ZNF777: variants seen among roughly 807,000 people sequenced by gnomAD.
ZNF777 encodes the protein zinc finger protein 777.
A neutral mutation model predicts 72.1 loss-of-function variants in ZNF777; 7 were observed. The ratio of observed to expected loss-of-function variants is 0.10; its 90% CI spans 0.06 to 0.18. ZNF777 has a LOEUF of 0.18. Ranked by LOEUF, ZNF777 falls within the 10% of genes least tolerant of loss-of-function variation. ZNF777 has a pLI of 1.00. For synonymous variants in ZNF777, 545 were observed against 483.5 expected (o/e 1.13, Z -1.67); for missense variants, 828 against 1,128.6 (o/e 0.73, Z 3.82).
At chr7:149,446,281 C>G (rs1345264850) in intron 4 of ZNF777, among the ~76,000 whole-genome samples, 1 of 151,994 alleles carries the variant, frequency 6.6e-6, no homozygotes, top group Non-Finnish European at 1.5e-5. Context: ...GAGGCCGAGG[C>G]GGGAAAATCA....
rs1799311817 is a variant in ZNF777 at position 149,431,767 on chromosome 7, G to A, written c.*9C>T. On this transcript the variant is annotated 3_prime_UTR_variant, in exon 6 of 6. Coordinates refer to ENST00000247930, the MANE Select transcript of ZNF777 (RefSeq NM_015694.3). ...GCACCTGGCCGGGCGGCGGCGGCGGGGCGCGCGCTCACTCGCCCGTGTGGG... is the reference window on the plus strand; with the variant it reads ...GCACCTGGCCGGGCGGCGGCGGCGGAGCGCGCGCTCACTCGCCCGTGTGGG... 2.6e-6 allele frequency: 4 copies of A among 1,538,892 alleles called. No homozygotes were observed. Among genetic ancestry groups the A allele is most frequent in the African/African-American group, 1.4e-5 (1 of 72,410 alleles).
At position 149,432,739 on chromosome 7, in the gene ZNF777, G is replaced by T; in HGVS notation, c.1533C>A (p.Pro511=). The change falls in exon 6 of 6, where the codon CCC becomes CCA. Residue 511 remains proline, a synonymous_variant. Coordinates refer to ENST00000247930, the MANE Select transcript of ZNF777 (RefSeq NM_015694.3). ...ESPPPLQLGN[P]AVKRLAPSVH... is the part of the protein sequence containing the mutation. ...CGGAGGGCGCCAGCCTTTTCACTGC[G>T]GGGTTTCCTAGCTGCAGGGGCGGGG... is the stretch of plus-strand genomic sequence containing the variant. 1 of 1,611,908 alleles carries T rather than the reference G, an allele frequency of 6.2e-7. No homozygotes were observed.
chr7:149,438,938 T>C lies in ZNF777; in HGVS notation c.1088-2112A>G, dbSNP rs533947653. ...CCGCCACAGCCTTAAATGAAGACCT[T>C]TGATTCCCTCAGAACTGTGGAACTC... On this transcript the variant is annotated intron_variant, in intron 4 of 5. Transcript: ENST00000247930. Among the ~76,000 whole-genome samples, 3 of 152,340 alleles carry C rather than the reference T, an allele frequency of 2.0e-5. No homozygotes were observed. The South Asian group carries it at 6.2e-4, about 32-fold the overall frequency.
chr7:149,434,464 A>G (rs1055244639), intron 5 of ZNF777, among the ~76,000 whole-genome samples: 1 of 152,236 alleles, frequency 6.6e-6, no homozygotes, highest in African/African-American at 2.4e-5. Flanking sequence ...AGAGTGTGGT[A>G]ACTAGTTGCC....
At position 149,460,060 on chromosome 7, in the gene ZNF777, G is replaced by C. The variant is rs953113872; in HGVS notation, c.-16+755C>G. 1 of 982,528 alleles carries C rather than the reference G, an allele frequency of 1.0e-6. No homozygotes were observed. The highest frequency in any genetic ancestry group is 1.8e-5 in the African/African-American group (1 of 56,914). 60.9% of individuals were successfully genotyped at this position (982,528 alleles called of 1,614,324 possible). A position where few individuals can be genotyped will look rare whatever the true frequency, so the allele number is the denominator to read the frequency against. On this transcript the variant is annotated intron_variant, in intron 1 of 5. Coordinates refer to ENST00000247930, the MANE Select transcript of ZNF777 (RefSeq NM_015694.3). This position sits in a 1 kb window ranked among gnomAD's most constrained non-coding sequence, Gnocchi z 6.1. ...TCCCAGGCCGGGCCGCCGAGCCCGG[G>C]ACACGCAGGCCGTCCCCGGGGCCCC...
chr7:149,449,181 T>C (rs1799669955), intron 4 of ZNF777, among the ~76,000 whole-genome samples: 1 of 152,226 alleles, frequency 6.6e-6, no homozygotes, highest in South Asian at 2.1e-4. Context: ...GGTGCGAGTG[T>C]GCGGCCCACT....
At chr7:149,451,380 G>A (rs988570765) in intron 3 of ZNF777, among the ~76,000 whole-genome samples, 4 of 152,048 alleles carry the variant, frequency 2.6e-5, no homozygotes, top group African/African-American at 9.7e-5. Flanking sequence ...GAAGATATTT[G>A]AAATTTTGTA....
chr7:149,443,910 A>G (rs1699531681), intron 4 of ZNF777, among the ~76,000 whole-genome samples: 1 of 152,180 alleles, frequency 6.6e-6, no homozygotes, highest in African/African-American at 2.4e-5. Flanking sequence ...TATTTTTTAA[A>G]AAGTTCTTTT....
At chr7:149,445,289 T>C (rs1170027341) in intron 4 of ZNF777, among the ~76,000 whole-genome samples, 3 of 152,202 alleles carry the variant, frequency 2.0e-5, no homozygotes, top group South Asian at 2.1e-4. Context: ...CATTTTTCCC[T>C]CTCTGCATGG....
rs571725715 is a variant in ZNF777, at chr7:149,435,771, A to G, written c.1339+804T>C. On this transcript the variant is annotated intron_variant, in intron 5 of 5. Coordinates refer to ENST00000247930, the MANE Select transcript of ZNF777 (RefSeq NM_015694.3). ...TCAATTCCTATTTTTTTTTCAGAAT[A>G]CAGAACAACAGCAAAAGCTGCCCAG... Among the ~76,000 whole-genome samples, 8 of 152,246 alleles carry G rather than the reference A, an allele frequency of 5.3e-5. No individual in the cohort carries two copies. The East Asian group carries it at 1.5e-3, about 29-fold the overall frequency.
At chr7:149,452,631 T>G (rs957402386) in intron 3 of ZNF777, among the ~76,000 whole-genome samples, 4 of 116,410 alleles carry the variant, frequency 3.4e-5, no homozygotes, top group African/African-American at 1.7e-4. Flanking sequence ...AGACTCTGTC[T>G]CAAAAAAAAA....
Position 149,431,762 on chromosome 7 carries a change from G to A in ZNF777, c.*14C>T, listed in dbSNP as rs1401045498. On this transcript the variant is annotated 3_prime_UTR_variant, in exon 6 of 6. Coordinates refer to ENST00000247930, the MANE Select transcript of ZNF777 (RefSeq NM_015694.3). The stretch of plus-strand genomic sequence containing the variant: ...CCCGCGCACCTGGCCGGGCGGCGGC[G>A]GCGGGGCGCGCGCTCACTCGCCCGT... 1.3e-6 allele frequency: 2 copies of A among 1,486,014 alleles called. No homozygotes were observed. The highest frequency in any genetic ancestry group is 1.8e-6 in the Non-Finnish European group (2 of 1,130,860). The allele number at this position is 1,486,014 out of a possible 1,614,324, so 92.1% of individuals were successfully genotyped here.
At chr7:149,447,852 G>GTT (rs1231958056) in intron 4 of ZNF777, among the ~76,000 whole-genome samples, 3 of 152,000 alleles carry the variant, frequency 2.0e-5, no homozygotes, top group African/African-American at 7.2e-5. Context: ...GCTGGTGCCC[G>GTT]TGCTTTCATC....
intron 5 of ZNF777, among the ~76,000 whole-genome samples, chr7:149,434,990 C>T (rs1343712485): frequency 6.6e-6 from 1 of 152,158 alleles, no homozygotes; most frequent in African/African-American, 2.4e-5. Flanking sequence ...TTCTAAAGTT[C>T]TACTACAATT....
At position 149,460,396 on chromosome 7, in the gene ZNF777, C is replaced by G. The variant is rs1201387454; in HGVS notation, c.-16+419G>C. ...GGAGCTGGGCGCGCGGCTGTGCGGGCGGCCCGGCCGGCTGCGTCCCGGCGG... is the reference window on the plus strand; with the variant it reads ...GGAGCTGGGCGCGCGGCTGTGCGGGGGGCCCGGCCGGCTGCGTCCCGGCGG... On this transcript the variant is annotated intron_variant, in intron 1 of 5. Coordinates refer to ENST00000247930, the MANE Select transcript of ZNF777 (RefSeq NM_015694.3). The surrounding 1 kb of genome is among the most constrained non-coding windows in gnomAD (Gnocchi z 6.1). Among the ~76,000 whole-genome samples, 2 of 145,712 alleles carry G rather than the reference C, an allele frequency of 1.4e-5. No individual in the cohort carries two copies. Among genetic ancestry groups the G allele is most frequent in the South Asian group, 2.1e-4 (1 of 4,798 alleles).
intron 4 of ZNF777, 125 bp downstream of exon 4, chr7:149,450,874 G>T: frequency 1.3e-6 from 1 of 768,128 alleles, no homozygotes; most frequent in Non-Finnish European, 2.0e-6. Context: ...CCTGGCACCT[G>T]CGGGCCTCCT....
At chr7:149,450,606 T>A (rs1234725254) in intron 4 of ZNF777, among the ~76,000 whole-genome samples, 2 of 152,162 alleles carry the variant, frequency 1.3e-5, no homozygotes, top group African/African-American at 4.8e-5. Context: ...TCTGGTAAAC[T>A]CCATGCCTGC....
rs182357431 is a variant in ZNF777, at chr7:149,434,707, C to T, written c.1340-1775G>A. 2.3e-3 allele frequency among the ~76,000 whole-genome samples: 354 copies of T among 152,112 alleles called. 3 individuals carry two copies. The highest frequency in any genetic ancestry group is 8.2e-3 in the African/African-American group (342 of 41,478). ...AAGCGATTCTCGTGCCTCAGCCTCC[C>T]GAGTAGCTGGGATTACAGGTGCCTG... On this transcript the variant is annotated intron_variant, in intron 5 of 5. Transcript: ENST00000247930.
chr7:149,455,848 T>A lies in ZNF777; in HGVS notation c.175A>T (p.Thr59Ser). 1 of 1,613,518 alleles carries A rather than the reference T, an allele frequency of 6.2e-7. No individual in the cohort carries two copies. The highest frequency in any genetic ancestry group is 1.1e-5 in the South Asian group (1 of 91,052). The change falls in exon 2 of 6, where the codon ACT becomes TCT. Residue 59 changes from threonine (T) to serine (S), a missense_variant. Transcript: ENST00000247930. This position sits in a 1 kb window ranked among gnomAD's most constrained non-coding sequence, Gnocchi z 4.2. ...TIPRQGSLPQ[T>S]SSAPKQETSG... is the part of the protein sequence containing the mutation. Reference sequence around the variant, plus strand: ...GTCTCTTGCTTGGGAGCACTGGAAGTTTGGGGCAGGGAGCCTTGACGGGGA... The same window carrying A: ...GTCTCTTGCTTGGGAGCACTGGAAGATTGGGGCAGGGAGCCTTGACGGGGA...
Sources: gnomAD v4.1 joint callset for allele counts (sites outside exome capture counted in the v4.1 genomes callset) on GRCh38, gnomAD v4.1.1 for gene constraint, Gnocchi (gnomAD v3.1) non-coding constraint, MANE v1.5 for transcripts, NCBI Gene and HGNC (gene_info 2026-07-23, HGNC 2026-07-21) for gene names.